The following MCM2 variants were observed in gnomAD, a reference collection of about 807,000 sequenced individuals.
MCM2 encodes DNA replication licensing factor MCM2.
A neutral mutation model predicts 86.4 loss-of-function variants in MCM2; 49 were observed. The observed-to-expected ratio is 0.57, with a 90% CI of 0.45 to 0.72. The LOEUF (loss-of-function observed/expected upper bound fraction) is 0.72. Ranked by LOEUF, MCM2 falls within the 30% of genes least tolerant of loss-of-function variation. MCM2 has a pLI of 0.00. For synonymous variants in MCM2, 475 were observed against 484.6 expected (o/e 0.98, Z 0.26); for missense variants, 1,038 against 1,259.9 (o/e 0.82, Z 2.67).
intron 13 of MCM2, among the ~76,000 whole-genome samples, chr3:127,619,972 A>T (rs1245510557): frequency 6.6e-6 from 1 of 152,218 alleles, no homozygotes; most frequent in Non-Finnish European, 1.5e-5. Flanking sequence ...TGACACAGTG[A>T]AACCCTGTTT....
Position 127,617,532 on chromosome 3 carries a change from C to T in MCM2, c.1900+127C>T. 7.4e-6 allele frequency: 9 copies of T among 1,217,132 alleles called. No individual in the cohort carries two copies. The South Asian group carries it at 1.2e-4, about 17-fold the overall frequency. 75.4% of individuals were successfully genotyped at this position (1,217,132 alleles called of 1,614,324 possible). A position where few individuals can be genotyped will look rare whatever the true frequency, so the allele number is the denominator to read the frequency against. ...AGTCATTGTGCAGCAGAGGGTTCCC[C>T]TCTTCTGCATATCCTGCCAGAGTGG... is the stretch of plus-strand genomic sequence containing the variant. On this transcript the variant is annotated intron_variant, in intron 11 of 15. Coordinates refer to ENST00000265056, the MANE Select transcript of MCM2 (RefSeq NM_004526.4). This position sits in a 1 kb window ranked among gnomAD's most constrained non-coding sequence, Gnocchi z 4.1.
chr3:127,621,188 A>G lies in MCM2; in HGVS notation c.2564A>G (p.Gln855Arg). The change falls in exon 15 of 16, where the codon CAG becomes CGG. Residue 855 changes from glutamine (Q) to arginine (R), a missense_variant. Coordinates refer to ENST00000265056, the MANE Select transcript of MCM2 (RefSeq NM_004526.4). Reference protein sequence around the residue: ...TYQRNRFGAQQDTIEVPEKDL... With the variant: ...TYQRNRFGAQRDTIEVPEKDL... ...CAGCGCAACCGCTTTGGGGCCCAGC[A>G]GGACACTATTGAGGTCCCTGAGAAG... 1 of 1,614,220 alleles carries G rather than the reference A, an allele frequency of 6.2e-7. No homozygotes were observed. The highest frequency in any genetic ancestry group is 8.5e-7 in the Non-Finnish European group (1 of 1,180,040).
intron 2 of MCM2, among the ~76,000 whole-genome samples, chr3:127,603,371 G>A (rs1275243060): frequency 6.6e-6 from 1 of 152,176 alleles, no homozygotes; most frequent in African/African-American, 2.4e-5. Flanking sequence ...TGCCCAGGCT[G>A]GAGTGCAGTG....
At chr3:127,615,778 G>C (rs1053307694) in intron 8 of MCM2, 84 bp from the exon 9 acceptor site, 1 of 955,144 alleles carries the variant, frequency 1.0e-6, no homozygotes, top group African/African-American at 1.6e-5. Flanking sequence ...TGGGGATGTC[G>C]TGGTTCCCTG....
chr3:127,607,946 G>A (rs530710345), intron 6 of MCM2, among the ~76,000 whole-genome samples: 21 of 152,362 alleles, frequency 1.4e-4, no homozygotes, highest in African/African-American at 4.8e-4. Context: ...ATACTTGACA[G>A]TGACAGCCAA....
rs777623799 is a variant in MCM2 at position 127,620,879 on chromosome 3, A to G, written c.2447A>G (p.Lys816Arg). The G allele has an allele frequency of 7.5e-6, 12 of 1,601,618 alleles. No individual in the cohort carries two copies. The African/African-American group carries it at 1.5e-4, about 20-fold the overall frequency. The part of the protein sequence containing the change: ...QKFSVMRSMR[K>R]TFARYLSFRR... ...TTCAGCGTCATGCGCAGCATGCGCA[A>G]GGTGGGTGTGCTCCGAGGTAGGGGC... Residue 816 changes from lysine to arginine, a missense_variant and splice_region_variant, in exon 14 of 16, where the codon AAG becomes AGG. By Grantham distance (26) the Lys-to-Arg change is conservative. Around this residue, in one of 4 missense-constraint regions of MCM2, gnomAD observed 336 missense variants for 425.7 expected, o/e 0.79. Coordinates refer to ENST00000265056, the MANE Select transcript of MCM2 (RefSeq NM_004526.4).
chr3:127,617,199 T>C lies in MCM2; in HGVS notation c.1774-80T>C, dbSNP rs17497131. ...GCCTTAGCGACGGGAATGGTGTTAA[T>C]GGGGTCCATTGGGACCTCATCGGAG... On this transcript the variant is annotated intron_variant, in intron 10 of 15. Transcript: ENST00000265056. The surrounding 1 kb of genome is among the most constrained non-coding windows in gnomAD (Gnocchi z 4.1). 6.2e-7 allele frequency: 1 copy of C among 1,605,546 alleles called. No individual in the cohort carries two copies. Among genetic ancestry groups the C allele is most frequent in the Middle Eastern group, 1.7e-4 (1 of 6,006 alleles).
rs1160261789 is a variant in MCM2, at chr3:127,616,999, T to A, written c.1654T>A (p.Ser552Thr). 1.2e-6 allele frequency: 2 copies of A among 1,614,142 alleles called. No individual in the cohort carries two copies. The highest frequency in any genetic ancestry group is 2.2e-5 in the South Asian group (2 of 91,086). The change falls in exon 10 of 16, where the codon TCG becomes ACG. Residue 552 changes from serine (S) to threonine (T), a missense_variant. Ser to Thr is a moderately conservative substitution (Grantham distance 58). Transcript: ENST00000265056. The part of the protein sequence containing the change: ...RAIFTTGQGA[S>T]AVGLTAYVQR... ...CATCTTCACCACTGGCCAGGGGGCG[T>A]CGGCTGTGGGCCTCACGGCGTATGT...
rs1005589460 is a variant in MCM2, at chr3:127,599,240, GC to G, written c.7-74del. The G allele has an allele frequency of 5.8e-5, 67 of 1,161,134 alleles. 1 individual carries two copies. In the South Asian group the frequency reaches 8.6e-4, roughly 15 times the overall value. 71.9% of individuals were successfully genotyped at this position (1,161,134 alleles called of 1,614,324 possible). A position where few individuals can be genotyped will look rare whatever the true frequency, so the allele number is the denominator to read the frequency against. On this transcript the variant is annotated intron_variant, in intron 1 of 15. Coordinates refer to ENST00000265056, the MANE Select transcript of MCM2 (RefSeq NM_004526.4). ...CACAGGTGGAGAGAAAGAAGGGAAG[GC>G]CCCTGATGGTAAAAAGGAAGCTGTA...
At chr3:127,620,183 T>G (rs975856576) in intron 13 of MCM2, among the ~76,000 whole-genome samples, 3 of 152,204 alleles carry the variant, frequency 2.0e-5, no homozygotes, top group Non-Finnish European at 4.4e-5. Flanking sequence ...CATAGTGGAA[T>G]GGAAACTTAA....
intron 8 of MCM2, chr3:127,610,814 T>A (rs1332434269): frequency 2.2e-6 from 1 of 456,554 alleles, no homozygotes; most frequent in Non-Finnish European, 4.4e-6. Context: ...CAGAGGCTGG[T>A]ATTGGTGCCA....
At position 127,608,526 on chromosome 3, in the gene MCM2, C is replaced by A; in HGVS notation, c.1236+10C>A. 6.2e-7 allele frequency: 1 copy of A among 1,613,934 alleles called. No individual in the cohort carries two copies. Among genetic ancestry groups the A allele is most frequent in the Non-Finnish European group, 8.5e-7 (1 of 1,179,920 alleles). ...GCCAGGAGACGAGATAGTAAGTGGC[C>A]GGGGCAGGCTGGGAGGGAGCCAAGT... On this transcript the variant is annotated intron_variant, in intron 7 of 15. Transcript: ENST00000265056.
At chr3:127,599,228 A>T in intron 1 of MCM2, 90 bp from the exon 2 acceptor site, 1 of 1,041,842 alleles carries the variant, frequency 9.6e-7, no homozygotes, top group Non-Finnish European at 1.5e-6. Context: ...AGGTGGAGAG[A>T]AAGAAGGGAA....
At position 127,605,050 on chromosome 3, in the gene MCM2, G is replaced by A. The variant is rs772343227; in HGVS notation, c.567G>A (p.Ala189=). The stretch of plus-strand genomic sequence containing the variant: ...CTGTGCGCGAGTGGGTGAGCATGGC[G>A]GGCCCCCGGCTGGAGATCCACCACC... ...GHSVREWVSM[A]GPRLEIHHRF... is the part of the protein sequence containing the mutation. Residue 189 remains alanine (A), a synonymous_variant, in exon 4 of 16, where the codon GCG becomes GCA. Transcript: ENST00000265056. 17 of 1,613,852 alleles carry A rather than the reference G, an allele frequency of 1.1e-5. No homozygotes were observed. Among genetic ancestry groups the A allele is most frequent in the East Asian group, 4.5e-5 (2 of 44,896 alleles).
intron 7 of MCM2, 47 bp downstream of exon 7, chr3:127,608,563 C>T (rs2107689787): frequency 2.5e-6 from 4 of 1,608,288 alleles, no homozygotes; most frequent in Non-Finnish European, 3.4e-6. Flanking sequence ...GCAGAGGGAA[C>T]TGGCAGAAGC....
chr3:127,600,487 T>C (rs1298158361), intron 2 of MCM2, among the ~76,000 whole-genome samples: 1 of 152,142 alleles, frequency 6.6e-6, no homozygotes, highest in East Asian at 1.9e-4. Flanking sequence ...TTAGCATGTG[T>C]GAGAGTACTG....
In MCM2 at chr3:127,617,269, A is replaced by G; in HGVS notation, c.1774-10A>G. ...AACCATGCTAAGGGTGGGCCATTTTAATCTTGCAGATGAATGACCAGGACA... is the reference window on the plus strand; with the variant it reads ...AACCATGCTAAGGGTGGGCCATTTTGATCTTGCAGATGAATGACCAGGACA... On this transcript the variant is annotated splice_polypyrimidine_tract_variant and intron_variant, in intron 10 of 15. Coordinates refer to ENST00000265056, the MANE Select transcript of MCM2 (RefSeq NM_004526.4). The surrounding 1 kb of genome is among the most constrained non-coding windows in gnomAD (Gnocchi z 4.1). 1 of 1,614,002 alleles carries G rather than the reference A, an allele frequency of 6.2e-7. No individual in the cohort carries two copies. The highest frequency in any genetic ancestry group is 8.5e-7 in the Non-Finnish European group (1 of 1,179,950).
In MCM2 at chr3:127,604,761, C is replaced by T. The variant is rs745604668; in HGVS notation, c.390C>T (p.Arg130=). ...GGGAGGCTGGCCGGGGCCTGGGCCG[C>T]ATGCGCCGTGGGCTCCTGTATGGTA... ...RDREAGRGLG[R]MRRGLLYDSD... The change falls in exon 3 of 16, where the codon CGC becomes CGT. Residue 130 remains arginine, a synonymous_variant. Transcript: ENST00000265056. 3 of 1,599,886 alleles carry T rather than the reference C, an allele frequency of 1.9e-6. No individual in the cohort carries two copies. The highest frequency in any genetic ancestry group is 3.5e-5 in the Admixed American group (2 of 57,518).
intron 2 of MCM2, chr3:127,604,252 T>G: frequency 9.4e-6 from 2 of 212,738 alleles, no homozygotes; most frequent in African/African-American, 2.3e-5. Context: ...GCAACCATCA[T>G]TTTACTTTCT....
Sources: gnomAD v4.1 joint callset for allele counts (sites outside exome capture counted in the v4.1 genomes callset) on GRCh38, gnomAD v4.1.1 for gene constraint, gnomAD v4.1.1 regional missense constraint, Gnocchi (gnomAD v3.1) non-coding constraint, MANE v1.5 for transcripts, NCBI Gene and HGNC (gene_info 2026-07-23, HGNC 2026-07-21) for gene names.